The following ARID5B variants were observed in gnomAD, a reference collection of about 807,000 sequenced individuals.
ARID5B encodes AT-rich interactive domain-containing protein 5B.
A neutral mutation model predicts 97.2 loss-of-function variants in ARID5B; 13 were observed. That is an observed-to-expected ratio of 0.13 (90% CI 0.09 to 0.21). The LOEUF (loss-of-function observed/expected upper bound fraction) is 0.21, where lower values mean the gene tolerates loss of function less well. Among genes scored for constraint, ARID5B ranks in the 10% least tolerant of loss-of-function variants. The pLI, the probability that ARID5B is intolerant of heterozygous loss-of-function variation, is 1.00. For synonymous variants in ARID5B, 556 were observed against 570.3 expected (o/e 0.97, Z 0.36); for missense variants, 1,210 against 1,465.3 (o/e 0.83, Z 2.84).
chr10:62,046,485 C>CTA (rs150176993), intron 4 of ARID5B, among the ~76,000 whole-genome samples: 1,631 of 152,270 alleles, frequency 0.011, 18 homozygotes, highest in Non-Finnish European at 0.014. Flanking sequence ...AGAAAATAGA[C>CTA]TATAATTCAT....
chr10:61,951,740 C>G lies in ARID5B; in HGVS notation c.502+11332C>G, dbSNP rs552253797. Among the ~76,000 whole-genome samples, 3 of 152,258 alleles carry G rather than the reference C, an allele frequency of 2.0e-5. No individual in the cohort carries two copies. The East Asian group carries it at 5.8e-4, about 29-fold the overall frequency. ...AGTGCTGTTAGTATTTGTATATGTACCAATGCATATGAATGCATGTATCAG... is the reference window on the plus strand; with the variant it reads ...AGTGCTGTTAGTATTTGTATATGTAGCAATGCATATGAATGCATGTATCAG... On this transcript the variant is annotated intron_variant, in intron 3 of 9. Transcript: ENST00000279873.
intron 2 of ARID5B, among the ~76,000 whole-genome samples, chr10:61,907,476 C>G (rs1843726431): frequency 2.6e-5 from 4 of 152,162 alleles, no homozygotes. Flanking sequence ...GATTTAATGG[C>G]CTCAACTGTG....
intron 4 of ARID5B, among the ~76,000 whole-genome samples, chr10:62,019,176 TG>T (rs775890273): frequency 5.9e-5 from 9 of 152,144 alleles, no homozygotes; most frequent in Non-Finnish European, 1.0e-4. Context: ...GCTAGCACAA[TG>T]GAAAAGAGAA....
chr10:61,971,099 C>G (rs1838621018), intron 3 of ARID5B, among the ~76,000 whole-genome samples: 1 of 152,152 alleles, frequency 6.6e-6, no homozygotes, highest in African/African-American at 2.4e-5. Context: ...ATTTGGCATC[C>G]TGCCTTTTGG....
At chr10:61,945,159 A>T (rs1193269467) in intron 3 of ARID5B, among the ~76,000 whole-genome samples, 2 of 152,124 alleles carry the variant, frequency 1.3e-5, no homozygotes, top group Non-Finnish European at 1.5e-5. Context: ...ACACTGTATG[A>T]TTTTTTACCT....
intron 2 of ARID5B, among the ~76,000 whole-genome samples, chr10:61,920,433 G>T (rs1041033695): frequency 1.3e-5 from 2 of 151,342 alleles, no homozygotes; most frequent in Non-Finnish European, 1.5e-5. Flanking sequence ...GGGTTCAAGC[G>T]ATGCTCCTCA....
At chr10:62,015,027 A>C (rs1839265322) in intron 4 of ARID5B, among the ~76,000 whole-genome samples, 1 of 152,208 alleles carries the variant, frequency 6.6e-6, no homozygotes, top group African/African-American at 2.4e-5. Flanking sequence ...TTCATTAATT[A>C]GAACAACTCA....
intron 4 of ARID5B, among the ~76,000 whole-genome samples, chr10:62,025,511 T>C (rs1839409221): frequency 6.6e-6 from 1 of 152,194 alleles, no homozygotes; most frequent in South Asian, 2.1e-4. Flanking sequence ...ATCACAAGCT[T>C]GGCTATTTGT....
intron 4 of ARID5B, among the ~76,000 whole-genome samples, chr10:62,001,031 GGGA>G (rs1241388799): frequency 6.6e-6 from 1 of 152,142 alleles, no homozygotes; most frequent in Non-Finnish European, 1.5e-5. Flanking sequence ...TAGACAGAAG[GGGA>G]GGAGAAGAAG....
chr10:61,966,397 C>T (rs1430308714), intron 3 of ARID5B, among the ~76,000 whole-genome samples: 1 of 152,262 alleles, frequency 6.6e-6, no homozygotes, highest in East Asian at 1.9e-4. Flanking sequence ...TGAATGCTCT[C>T]CCTAGTCCAA....
chr10:62,018,914 TG>T (rs1398301731), intron 4 of ARID5B, among the ~76,000 whole-genome samples: 1 of 152,244 alleles, frequency 6.6e-6, no homozygotes, highest in East Asian at 1.9e-4. Context: ...AATTCTTTAC[TG>T]CTTGCTTTAC....
intron 4 of ARID5B, among the ~76,000 whole-genome samples, chr10:62,034,067 G>T (rs1028445937): frequency 6.6e-6 from 1 of 152,208 alleles, no homozygotes; most frequent in African/African-American, 2.4e-5. Flanking sequence ...AAATGGAGCG[G>T]ATGGTTTTGC....
intron 8 of ARID5B, among the ~76,000 whole-genome samples, chr10:62,075,775 T>G (rs1840123667): frequency 6.6e-6 from 1 of 152,210 alleles, no homozygotes. Context: ...ATGTAGTATT[T>G]CTCAGGATGC....
At chr10:62,030,309 T>C (rs1309487259) in intron 4 of ARID5B, among the ~76,000 whole-genome samples, 1 of 152,048 alleles carries the variant, frequency 6.6e-6, no homozygotes, top group Non-Finnish European at 1.5e-5. Flanking sequence ...TTTGTATTTT[T>C]AGTAGAGATG....
At chr10:62,090,750 G>T (rs990750685) in intron 9 of ARID5B, 112 bp from the exon 10 acceptor site, 7 of 1,354,034 alleles carry the variant, frequency 5.2e-6, no homozygotes, top group African/African-American at 1.5e-5. Context: ...TTCACGAGCT[G>T]ATTGACAAGC....
intron 8 of ARID5B, among the ~76,000 whole-genome samples, chr10:62,075,469 G>A (rs1209097448): frequency 1.3e-5 from 2 of 152,148 alleles, no homozygotes; most frequent in Non-Finnish European, 2.9e-5. Flanking sequence ...AAGCTTCAGG[G>A]TTCCAGGCGC....
chr10:61,940,567 G>T (rs555262323), intron 3 of ARID5B, among the ~76,000 whole-genome samples, 159 bp downstream of exon 3: 19 of 152,178 alleles, frequency 1.2e-4, no homozygotes, highest in Admixed American at 3.9e-4. Context: ...ATGACTGGAT[G>T]GGTAAGGGAT....
intron 7 of ARID5B, among the ~76,000 whole-genome samples, chr10:62,068,584 T>TGGCA (rs1313283789): frequency 3.3e-5 from 5 of 152,046 alleles, no homozygotes; most frequent in Non-Finnish European, 7.4e-5. Flanking sequence ...TGAACTCCGC[T>TGGCA]GGCAGCCTCG....
chr10:62,039,688 G>T (rs1157596081), intron 4 of ARID5B, among the ~76,000 whole-genome samples: 1 of 152,254 alleles, frequency 6.6e-6, no homozygotes, highest in African/African-American at 2.4e-5. Flanking sequence ...AGTGATGCCT[G>T]ATGGTTTTTT....
Sources: gnomAD v4.1 joint callset for allele counts (sites outside exome capture counted in the v4.1 genomes callset) on GRCh38, gnomAD v4.1.1 for gene constraint, MANE v1.5 for transcripts, NCBI Gene and HGNC (gene_info 2026-07-23, HGNC 2026-07-21) for gene names.